The following MED17 variants were observed in gnomAD, a reference collection of about 807,000 sequenced individuals.
MED17 encodes the protein mediator of RNA polymerase II transcription subunit 17.
In MED17, 49 loss-of-function variants were observed where a neutral mutation model predicts 80.8. The observed-to-expected ratio is 0.61, with a 90% CI of 0.48 to 0.77. The LOEUF (loss-of-function observed/expected upper bound fraction) is 0.77, where lower values mean the gene tolerates loss of function less well. Among genes scored for constraint, MED17 ranks in the 30% least tolerant of loss-of-function variants. MED17 has a pLI of 0.00. For synonymous variants in MED17, 281 were observed against 280.4 expected (o/e 1.00, Z -0.02); for missense variants, 718 against 787.0 (o/e 0.91, Z 1.05).
At chr11:93,796,846 C>T (rs973055591) in intron 7 of MED17, 6 of 380,332 alleles carry the variant, frequency 1.6e-5, no homozygotes, top group South Asian at 4.4e-5. Flanking sequence ...AATGTCTTGC[C>T]AGAGTCTGTG....
At chr11:93,790,879 GT>G in intron 3 of MED17, 86 bp downstream of exon 3, 1 of 1,191,168 alleles carries the variant, frequency 8.4e-7, no homozygotes, top group Non-Finnish European at 1.2e-6. Flanking sequence ...GGCCAAGGCA[GT>G]TGGATCACTT....
In MED17 at chr11:93,793,869, T is replaced by C; in HGVS notation, c.774+5T>C. 3 of 1,613,638 alleles carry C rather than the reference T, an allele frequency of 1.9e-6. No individual in the cohort carries two copies. Among genetic ancestry groups the C allele is most frequent in the Non-Finnish European group, 2.5e-6 (3 of 1,179,638 alleles). On this transcript the variant is annotated splice_donor_5th_base_variant and intron_variant, in intron 4 of 11. Coordinates refer to ENST00000251871, the MANE Select transcript of MED17 (RefSeq NM_004268.5). ...GAGGGGTCTGCATATATCAAGGTAT[T>C]TGTCAAAATATTTTTCAAGTAATTT...
chr11:93,784,897 ATACTTGGTCG>A, intron 1 of MED17, 134 bp downstream of exon 1: 1 of 1,280,150 alleles, frequency 7.8e-7, no homozygotes. Context: ...AAGCGTAAGG[ATACTTGGTCG>A]TCATCTTTTT....
Position 93,793,751 on chromosome 11 carries a change from A to G in MED17, c.661A>G (p.Thr221Ala). The G allele has an allele frequency of 6.3e-7, 1 of 1,581,844 alleles. No individual in the cohort carries two copies. The highest frequency in any genetic ancestry group is 8.7e-7 in the Non-Finnish European group (1 of 1,152,152). ...AGGATCTCTCTTTCCTCATCATGGT[A>G]CATTTGAAGTAATAAAGAATACAGA... ...SAGSLFPHHG[T>A]FEVIKNTDLD... is the part of the protein sequence containing the mutation. Residue 221 changes from threonine to alanine, a missense_variant, in exon 4 of 12, where the codon ACA (threonine) becomes GCA (alanine). Transcript: ENST00000251871.
chr11:93,809,542 G>A (rs1489791108), intron 10 of MED17, 175 bp from the exon 11 acceptor site: 3 of 674,200 alleles, frequency 4.4e-6, no homozygotes, highest in African/African-American at 3.5e-5. Flanking sequence ...GGCAGTGGAA[G>A]GTGGAGTCCT....
rs930087714 is a variant in MED17, at chr11:93,810,039, A to G, written c.1744+163A>G. On this transcript the variant is annotated intron_variant, in intron 11 of 11. Coordinates refer to ENST00000251871, the MANE Select transcript of MED17 (RefSeq NM_004268.5). ...TTGATCATAGCTATTATGCAGAGCA[A>G]GAGATTATTATTTCTCTTTCTAGTA... 7 of 705,660 alleles carry G rather than the reference A, an allele frequency of 9.9e-6. No individual in the cohort carries two copies. The African/African-American group carries it at 1.2e-4, about 13-fold the overall frequency. 43.7% of individuals were successfully genotyped at this position (705,660 alleles called of 1,614,324 possible). A position where few individuals can be genotyped will look rare whatever the true frequency, so the allele number is the denominator to read the frequency against.
At position 93,801,890 on chromosome 11, in the gene MED17, G is replaced by A; in HGVS notation, c.1384G>A (p.Ala462Thr). Residue 462 changes from alanine (A) to threonine (T), a missense_variant, in exon 9 of 12, where the codon GCT becomes ACT. Physicochemically the swap from Ala to Thr is moderately conservative, Grantham distance 58. Transcript: ENST00000251871. Reference sequence around the variant, plus strand: ...CCGAATTGAGGATCCTCAGATACAGGCTCATTGGTCAAATATCAATGATGT... The same window carrying A: ...CCGAATTGAGGATCCTCAGATACAGACTCATTGGTCAAATATCAATGATGT... The part of the protein sequence containing the change: ...ASRIEDPQIQ[A>T]HWSNINDVYE... 6.2e-7 allele frequency: 1 copy of A among 1,612,744 alleles called. No homozygotes were observed.
At chr11:93,785,661 A>G (rs148260923) in intron 1 of MED17, among the ~76,000 whole-genome samples, 351 of 152,330 alleles carry the variant, frequency 2.3e-3, no homozygotes, top group Non-Finnish European at 3.5e-3. Context: ...GTTAGAAGAA[A>G]TAATGAAAGA....
Position 93,796,445 on chromosome 11 carries a change from AATG to A in MED17, c.1051_1053del (p.Asp351del). On this transcript the variant is annotated inframe_deletion, in exon 7 of 12. Coordinates refer to ENST00000251871, the MANE Select transcript of MED17 (RefSeq NM_004268.5). ...ATCTATTTCTTTGTGCCATTCCTCAAATGATAAGAAATCCCAAAAATTTGCTAC... is the reference window on the plus strand; with the variant it reads ...ATCTATTTCTTTGTGCCATTCCTCAAATAAGAAATCCCAAAAATTTGCTAC... 1 of 1,613,240 alleles carries A rather than the reference AATG, an allele frequency of 6.2e-7. No individual in the cohort carries two copies. Among genetic ancestry groups the A allele is most frequent in the Non-Finnish European group, 8.5e-7 (1 of 1,179,256 alleles).
chr11:93,801,996 T>G (rs769921510), intron 9 of MED17, 24 bp downstream of exon 9: 22 of 1,601,054 alleles, frequency 1.4e-5, no homozygotes, highest in Non-Finnish European at 1.9e-5. Flanking sequence ...ATAAAAGTTT[T>G]GTATTTAATA....
At chr11:93,787,637 T>C (rs1172458135) in intron 1 of MED17, among the ~76,000 whole-genome samples, 1 of 152,214 alleles carries the variant, frequency 6.6e-6, no homozygotes, top group Non-Finnish European at 1.5e-5. Flanking sequence ...TTACAGGTCA[T>C]TTTCATTTTG....
In MED17 at chr11:93,801,989, A is replaced by C. The variant is rs538327122; in HGVS notation, c.1466+17A>C. 1 of 1,606,186 alleles carries C rather than the reference A, an allele frequency of 6.2e-7. No homozygotes were observed. Among genetic ancestry groups the C allele is most frequent in the South Asian group, 1.1e-5 (1 of 90,438 alleles). ...AATATGCAAGTAAGTGGCCAAAATA[A>C]AAGTTTTGTATTTAATATGTTAATT... is the stretch of plus-strand genomic sequence containing the variant. On this transcript the variant is annotated intron_variant, in intron 9 of 11. Transcript: ENST00000251871.
At chr11:93,805,403 T>C (rs1944012781) in intron 9 of MED17, among the ~76,000 whole-genome samples, 1 of 152,110 alleles carries the variant, frequency 6.6e-6, no homozygotes, top group Non-Finnish European at 1.5e-5. Flanking sequence ...GCCAACATGA[T>C]GAAACCCTGT....
chr11:93,808,839 GGA>G (rs764049560), intron 10 of MED17: 1 of 152,292 alleles, frequency 6.6e-6, no homozygotes, highest in Non-Finnish European at 1.5e-5. Context: ...GCTTGCAAAT[GGA>G]TAGGGATCAA....
intron 1 of MED17, among the ~76,000 whole-genome samples, 183 bp from the exon 2 acceptor site, chr11:93,787,818 G>A (rs1300053219): frequency 1.3e-5 from 2 of 152,170 alleles, no homozygotes; most frequent in Non-Finnish European, 2.9e-5. Flanking sequence ...GCGATTGTAG[G>A]AATGCTAATG....
At chr11:93,801,167 T>G (rs1392838462) in intron 8 of MED17, 1 of 152,182 alleles carries the variant, frequency 6.6e-6, no homozygotes, top group Non-Finnish European at 1.5e-5. Flanking sequence ...ATTGCTAAAG[T>G]TTTTTCTGTT....
At chr11:93,797,755 C>A in intron 8 of MED17, 36 bp downstream of exon 8, 1 of 1,566,722 alleles carries the variant, frequency 6.4e-7, no homozygotes, top group South Asian at 1.1e-5. Flanking sequence ...TCTGTTTTTT[C>A]TTTGAAATTG....
intron 10 of MED17, chr11:93,809,496 G>A: frequency 1.7e-6 from 1 of 596,340 alleles, no homozygotes; most frequent in Non-Finnish European, 3.0e-6. Context: ...AGCTGCCAGT[G>A]GGCAGGAGAA....
chr11:93,794,612 A>G (rs979370293), intron 5 of MED17: 10 of 455,362 alleles, frequency 2.2e-5, no homozygotes, highest in Admixed American at 1.5e-4. Flanking sequence ...AGTGAGGTTT[A>G]TCTGTGGCAT....
Sources: allele counts gnomAD v4.1 joint callset (sites outside exome capture counted in the v4.1 genomes callset), GRCh38; gene constraint gnomAD v4.1.1; transcripts MANE v1.5; gene names NCBI Gene and HGNC (gene_info 2026-07-23, HGNC 2026-07-21).